The following DAB2IP variants were observed in gnomAD, a reference collection of about 807,000 sequenced individuals.
The protein encoded by DAB2IP is disabled homolog 2-interacting protein.
In DAB2IP, 28 loss-of-function variants were observed where a neutral mutation model predicts 107.2. The ratio of observed to expected loss-of-function variants is 0.26; its 90% confidence interval spans 0.19 to 0.36. DAB2IP has a LOEUF of 0.36. DAB2IP is among the 10% of genes least tolerant of loss of function. The pLI, the probability that DAB2IP is intolerant of heterozygous loss-of-function variation, is 1.00. For missense variants in DAB2IP, 1,400 were observed against 1,644.7 expected, an observed-to-expected ratio of 0.85 and a Z score of 2.57; for synonymous variants, 755 against 706.4, an observed-to-expected ratio of 1.07 and a Z score of -1.09.
intron 3 of DAB2IP, chr9:121,737,650 A>G: frequency 1.0e-6 from 1 of 985,448 alleles, no homozygotes; most frequent in Non-Finnish European, 1.2e-6. Context: ...ATCTGGCTCC[A>G]GAGCCTCGGG....
chr9:121,774,473 G>C, intron 13 of DAB2IP, 61 bp downstream of exon 13: 1 of 1,506,254 alleles, frequency 6.6e-7, no homozygotes, highest in South Asian at 1.3e-5. Flanking sequence ...GCAGCTGGTA[G>C]GAGTCTCTCC....
At chr9:121,642,029 C>CTCTTTCTTTCTT (rs1156645580) in intron 1 of DAB2IP, among the ~76,000 whole-genome samples, 404 of 26,198 alleles carry the variant, frequency 0.015, 1 homozygote, top group Middle Eastern at 0.054. Context: ...CTCTCTCTCT[C>CTCTTTCTTTCTT]TCTTTCTTTC....
chr9:121,644,435 A>G (rs1231220804), intron 1 of DAB2IP, among the ~76,000 whole-genome samples: 1 of 152,058 alleles, frequency 6.6e-6, no homozygotes, highest in Non-Finnish European at 1.5e-5. Flanking sequence ...CGTCTCTACT[A>G]AAAATACAAA....
intron 3 of DAB2IP, among the ~76,000 whole-genome samples, chr9:121,724,977 G>C (rs904605024): frequency 6.6e-6 from 1 of 152,162 alleles, no homozygotes; most frequent in African/African-American, 2.4e-5. Context: ...GTGAGGGTCA[G>C]GACAGGGAAC....
At chr9:121,650,729 C>T (rs115593934), upstream of DAB2IP, among the ~76,000 whole-genome samples, 670 of 152,132 alleles carry the variant, frequency 4.4e-3, 11 homozygotes, top group African/African-American at 0.015. Context: ...CACTGTGGGC[C>T]ATGGTTAGGG....
At chr9:121,639,431 G>A (rs1201568587) in intron 1 of DAB2IP, among the ~76,000 whole-genome samples, 1 of 152,212 alleles carries the variant, frequency 6.6e-6, no homozygotes, top group East Asian at 1.9e-4. Context: ...GGGATACCAT[G>A]CCTATCAGAG....
exon 12 of DAB2IP, chr9:121,773,038 C>T: frequency 6.2e-7 from 1 of 1,612,090 alleles, no homozygotes; most frequent in African/African-American, 1.3e-5. Context: ...CAGATGGCGG[C>T]TGGCCTGCCG....
intron 3 of DAB2IP, among the ~76,000 whole-genome samples, chr9:121,741,945 G>A (rs1832379398): frequency 6.6e-6 from 1 of 151,918 alleles, no homozygotes; most frequent in African/African-American, 2.4e-5. Context: ...GTTACAAGTG[G>A]CAGAGTCCGG....
At chr9:121,715,351 CT>C (rs768480637) in intron 3 of DAB2IP, among the ~76,000 whole-genome samples, 316 of 129,446 alleles carry the variant, frequency 2.4e-3, no homozygotes, top group Middle Eastern at 3.8e-3. Flanking sequence ...TTCTTTCTTT[CT>C]TTTTTTTTTT....
intron 1 of DAB2IP, among the ~76,000 whole-genome samples, chr9:121,604,105 G>T (rs919545973): frequency 3.3e-5 from 5 of 152,024 alleles, no homozygotes; most frequent in Admixed American, 6.6e-5. Flanking sequence ...AATGACTGGG[G>T]GTCAAGGGCA....
chr9:121,661,064 G>A (rs984868190), intron 1 of DAB2IP, among the ~76,000 whole-genome samples: 2 of 152,112 alleles, frequency 1.3e-5, no homozygotes, highest in Non-Finnish European at 2.9e-5. Flanking sequence ...GTGAAGAAGC[G>A]GGAGGATGAG....
rs1564234802 is a variant in DAB2IP at position 121,779,521 on chromosome 9, C to CAGTGAGGTTACTTGGAATCTGTTCA, written c.3315-1941_3315-1917dup. On this transcript the variant is annotated intron_variant, in intron 14 of 15. Transcript: ENST00000408936. ...TTTCTGGGGGCTTTATTCTGGGAGA[C>CAGTGAGGTTACTTGGAATCTGTTCA]AGTGAGGTTACTTGGAATCTGTTCA... 3.9e-5 allele frequency among the ~76,000 whole-genome samples: 6 copies of CAGTGAGGTTACTTGGAATCTGTTCA among 152,306 alleles called. No homozygotes were observed. In the South Asian group the frequency reaches 1.2e-3, roughly 32 times the overall value.
At chr9:121,629,608 AG>A (rs1343136552) in intron 1 of DAB2IP, among the ~76,000 whole-genome samples, 4 of 152,138 alleles carry the variant, frequency 2.6e-5, no homozygotes, top group African/African-American at 9.7e-5. Context: ...GGAGGCGGCC[AG>A]GGCCCCTGAA....
At chr9:121,759,793 C>T in intron 5 of DAB2IP, 92 bp from the exon 6 acceptor site, 3 of 1,218,832 alleles carry the variant, frequency 2.5e-6, no homozygotes, top group Non-Finnish European at 3.4e-6. Flanking sequence ...CAGAGCTCCT[C>T]CTGGGTCTGA....
At chr9:121,656,726 C>A (rs910676239) in intron 1 of DAB2IP, among the ~76,000 whole-genome samples, 2 of 152,162 alleles carry the variant, frequency 1.3e-5, no homozygotes, top group Non-Finnish European at 2.9e-5. Flanking sequence ...CTGAACTTGC[C>A]TTGTCTTATG....
Position 121,704,586 on chromosome 9 carries a change from C to T in DAB2IP, c.362+5128C>T, listed in dbSNP as rs556883812. Among the ~76,000 whole-genome samples the T allele has an allele frequency of 1.3e-3, 193 of 152,198 alleles. 1 individual carries two copies. Among genetic ancestry groups the T allele is most frequent in the African/African-American group, 4.1e-3 (169 of 41,518 alleles). ...AGGTCCCATGTAGGTGGATCCTACA[C>T]GTTAAATGAGCCTCTGCCTTCCAAG... On this transcript the variant is annotated intron_variant, in intron 3 of 15. Coordinates refer to ENST00000408936, the Ensembl canonical transcript of DAB2IP.
intron 1 of DAB2IP, among the ~76,000 whole-genome samples, chr9:121,604,753 C>T (rs1830809251): frequency 6.6e-6 from 1 of 152,164 alleles, no homozygotes; most frequent in South Asian, 2.1e-4. Context: ...GCTGCCTGTC[C>T]CCCGTGATGG....
intron 1 of DAB2IP, among the ~76,000 whole-genome samples, chr9:121,570,279 A>AT (rs1305934480): frequency 6.6e-6 from 1 of 151,166 alleles, no homozygotes; most frequent in Non-Finnish European, 1.5e-5. Flanking sequence ...TGCCCAGCTA[A>AT]TTTTTTGTAT....
In DAB2IP at chr9:121,684,951, G is replaced by A. The variant is rs895892270; in HGVS notation, c.228+6170G>A. On this transcript the variant is annotated intron_variant, in intron 2 of 15. Coordinates refer to ENST00000408936, the Ensembl canonical transcript of DAB2IP. The surrounding 1 kb of genome is among the most constrained non-coding windows in gnomAD (Gnocchi z 4.0). The stretch of plus-strand genomic sequence containing the variant: ...CAACCAGTGGAGGGATGTCAGCCAC[G>A]TGGTCCTGGCTGTAACAGGGCGGTA... Among the ~76,000 whole-genome samples the A allele has an allele frequency of 2.0e-5, 3 of 152,318 alleles. No individual in the cohort carries two copies. Among genetic ancestry groups the A allele is most frequent in the East Asian group, 1.9e-4 (1 of 5,172 alleles).
Sources: gnomAD v4.1 joint callset for allele counts (sites outside exome capture counted in the v4.1 genomes callset) on GRCh38, gnomAD v4.1.1 for gene constraint, Gnocchi (gnomAD v3.1) non-coding constraint, MANE v1.5 for transcripts, NCBI Gene and HGNC (gene_info 2026-07-23, HGNC 2026-07-21) for gene names.